STARD13: variants seen among roughly 807,000 people sequenced by gnomAD.
STARD13 encodes StAR related lipid transfer domain containing 13, also known as stAR-related lipid transfer protein 13.
A neutral mutation model predicts 106.4 loss-of-function variants in STARD13; 62 were observed. That is an observed-to-expected ratio of 0.58 (90% CI 0.48 to 0.72). STARD13 has a LOEUF of 0.72. Ranked by LOEUF, STARD13 falls within the 30% of genes least tolerant of loss-of-function variation. The probability of loss-of-function intolerance (pLI) is 0.00; values close to 1 mark genes in which losing one functional copy is unlikely to be tolerated. For synonymous variants in STARD13, 565 were observed against 553.0 expected (o/e 1.02, Z -0.31); for missense variants, 1,387 against 1,424.0 (o/e 0.97, Z 0.42).
the STARD13 span, among the ~76,000 whole-genome samples, chr13:33,441,994 A>G: frequency 3.9e-5 from 6 of 152,220 alleles, no homozygotes; most frequent in East Asian, 9.6e-4. Flanking sequence ...ATCCCTCCAT[A>G]TTTTTAAACT....
At chr13:33,407,363 G>T in the STARD13 span, among the ~76,000 whole-genome samples, 1 of 152,180 alleles carries the variant, frequency 6.6e-6, no homozygotes, top group African/African-American at 2.4e-5. Context: ...GTGGCTGAAT[G>T]AAACTGTAGT....
In STARD13 at chr13:33,110,735, C is replaced by T; in HGVS notation, c.2780G>A (p.Gly927Glu). 6.2e-7 allele frequency: 1 copy of T among 1,614,258 alleles called. No individual in the cohort carries two copies. Among genetic ancestry groups the T allele is most frequent in the Non-Finnish European group, 8.5e-7 (1 of 1,180,050 alleles). Residue 927 changes from glycine (G) to glutamate (E), a missense_variant, in exon 11 of 14, where the codon GGA becomes GAA. Gly to Glu is a moderately conservative substitution (Grantham distance 98). Coordinates refer to ENST00000336934, the MANE Select transcript of STARD13 (RefSeq NM_178006.4). ...GTCCGTGCTGGAGCACGTGACCCATCCTTTGAACTTCTCCTTGGCTTCTTT... is the reference window on the plus strand; with the variant it reads ...GTCCGTGCTGGAGCACGTGACCCATTCTTTGAACTTCTCCTTGGCTTCTTT... ...LQKEAKEKFK[G>E]WVTCSSTDNT... is the part of the protein sequence containing the mutation.
At chr13:33,409,969 C>A in the STARD13 span, among the ~76,000 whole-genome samples, 1 of 152,186 alleles carries the variant, frequency 6.6e-6, no homozygotes, top group Non-Finnish European at 1.5e-5. Flanking sequence ...TTTTTCCTGT[C>A]TTTGTTCTTT....
chr13:33,409,732 C>A, the STARD13 span, among the ~76,000 whole-genome samples: 1 of 152,174 alleles, frequency 6.6e-6, no homozygotes, highest in Non-Finnish European at 1.5e-5. Context: ...CTAGTACCTG[C>A]CTGACCAAAT....
chr13:33,172,861 A>G (rs965489877), intron 1 of STARD13, among the ~76,000 whole-genome samples: 2 of 152,190 alleles, frequency 1.3e-5, no homozygotes, highest in African/African-American at 4.8e-5. Flanking sequence ...ACATGTATTT[A>G]TGTTGTTCCT....
the STARD13 span, among the ~76,000 whole-genome samples, chr13:33,604,912 T>C: frequency 1.9e-3 from 290 of 151,944 alleles, no homozygotes; most frequent in African/African-American, 6.7e-3. Flanking sequence ...GACAAAAATA[T>C]AGAGAGTTTT....
chr13:33,586,218 A>T, the STARD13 span, among the ~76,000 whole-genome samples: 2 of 152,224 alleles, frequency 1.3e-5, no homozygotes, highest in Admixed American at 1.3e-4. Flanking sequence ...ACAAGAGATT[A>T]AACTTCTGAG....
the STARD13 span, among the ~76,000 whole-genome samples, chr13:33,579,034 T>G: frequency 6.6e-6 from 1 of 152,018 alleles, no homozygotes; most frequent in Non-Finnish European, 1.5e-5. Flanking sequence ...GAAGAGGGAA[T>G]GCTTATAAAC....
intron 3 of STARD13, among the ~76,000 whole-genome samples, chr13:33,149,048 G>A (rs1195810091): frequency 6.6e-6 from 1 of 152,160 alleles, no homozygotes; most frequent in Non-Finnish European, 1.5e-5. Context: ...GTTGCCAGGG[G>A]TTGGGGAGAG....
At chr13:33,389,906 G>C in the STARD13 span, among the ~76,000 whole-genome samples, 1 of 152,014 alleles carries the variant, frequency 6.6e-6, no homozygotes, top group South Asian at 2.1e-4. Context: ...TAATTCAAAG[G>C]GTTTTTAAAG....
At chr13:33,176,468 G>C (rs559972203) in intron 1 of STARD13, among the ~76,000 whole-genome samples, 2 of 152,204 alleles carry the variant, frequency 1.3e-5, no homozygotes, top group African/African-American at 4.8e-5. Context: ...ATTGTTACTA[G>C]GTTTACAGCT....
chr13:33,153,772 A>G (rs1337579713), intron 3 of STARD13, among the ~76,000 whole-genome samples: 1 of 152,220 alleles, frequency 6.6e-6, no homozygotes, highest in East Asian at 1.9e-4. Flanking sequence ...AAGGCTTGAG[A>G]GAAATAACAA....
chr13:33,582,332 T>C, the STARD13 span, among the ~76,000 whole-genome samples: 1 of 152,214 alleles, frequency 6.6e-6, no homozygotes, highest in Non-Finnish European at 1.5e-5. Flanking sequence ...ACCCCTGTTC[T>C]TACTTTTACT....
the STARD13 span, among the ~76,000 whole-genome samples, chr13:33,357,712 C>T: frequency 6.6e-6 from 1 of 152,174 alleles, no homozygotes; most frequent in African/African-American, 2.4e-5. Flanking sequence ...GGGTAGATCA[C>T]TTGAGGTTAG....
At chr13:33,522,048 T>G in the STARD13 span, among the ~76,000 whole-genome samples, 1 of 152,142 alleles carries the variant, frequency 6.6e-6, no homozygotes, top group Non-Finnish European at 1.5e-5. Flanking sequence ...TACTTTCTTC[T>G]TGGGCTGAGG....
At chr13:33,450,216 G>C in the STARD13 span, among the ~76,000 whole-genome samples, 1 of 152,142 alleles carries the variant, frequency 6.6e-6, no homozygotes, top group Non-Finnish European at 1.5e-5. Context: ...TGTTGGCCGT[G>C]AGTTTGTTAT....
chr13:33,474,809 G>A, the STARD13 span, among the ~76,000 whole-genome samples: 1 of 152,104 alleles, frequency 6.6e-6, no homozygotes, highest in Non-Finnish European at 1.5e-5. Flanking sequence ...ATTTACTTTT[G>A]TTGGTTTAAT....
At chr13:33,667,386 T>C in the STARD13 span, among the ~76,000 whole-genome samples, 1 of 152,220 alleles carries the variant, frequency 6.6e-6, no homozygotes, top group African/African-American at 2.4e-5. Context: ...TTTTATCTGG[T>C]TTTTCAGAAA....
chr13:33,646,909 A>G, the STARD13 span, among the ~76,000 whole-genome samples: 1 of 152,152 alleles, frequency 6.6e-6, no homozygotes, highest in Non-Finnish European at 1.5e-5. Context: ...GGAATTTAAA[A>G]ATTCATTGGT....
Sources: allele counts gnomAD v4.1 joint callset (sites outside exome capture counted in the v4.1 genomes callset), GRCh38; gene constraint gnomAD v4.1.1; transcripts MANE v1.5; gene names NCBI Gene and HGNC (gene_info 2026-07-23, HGNC 2026-07-21).